RBFOX1: variants seen among roughly 807,000 people sequenced by gnomAD.
RBFOX1 encodes the protein RNA binding protein fox-1 homolog 1.
Under a neutral mutation model 57.7 loss-of-function variants are expected in RBFOX1, and 8 were observed. The ratio of observed to expected loss-of-function variants is 0.14; its 90% CI spans 0.08 to 0.25. The LOEUF (loss-of-function observed/expected upper bound fraction) is 0.25. Among genes scored for constraint, RBFOX1 ranks in the 10% least tolerant of loss-of-function variants. The pLI, the probability that RBFOX1 is intolerant of heterozygous loss-of-function variation, is 1.00. For missense variants in RBFOX1, 611 were observed against 548.5 expected (o/e 1.11, Z -1.14); for synonymous variants, 326 against 222.4 (o/e 1.47, Z -4.15).
At position 5,876,640 on chromosome 16, in the gene RBFOX1, A is replaced by G. The variant is rs562538890; in HGVS notation, c.351+9305A>G. ...ATTTTTTGAGTGTTCTGTGATCACA[A>G]AACCCATTCCCAGAACCATATATTA... On this transcript the variant is annotated intron_variant, in intron 4 of 19. Coordinates refer to the RBFOX1 transcript ENST00000641259. Among the ~76,000 whole-genome samples the G allele has an allele frequency of 1.5e-4, 23 of 152,316 alleles. No homozygotes were observed. The South Asian group carries it at 4.6e-3, about 30-fold the overall frequency.
intron 4 of RBFOX1, among the ~76,000 whole-genome samples, chr16:7,309,479 T>G (rs2096263839): frequency 6.6e-6 from 1 of 152,226 alleles, no homozygotes; most frequent in African/African-American, 2.4e-5. Context: ...TGAGGCAGTT[T>G]CTGTGTTATA....
At chr16:5,730,895 C>T (rs982424535) in intron 3 of RBFOX1, among the ~76,000 whole-genome samples, 3 of 152,146 alleles carry the variant, frequency 2.0e-5, no homozygotes, top group Admixed American at 1.3e-4. Flanking sequence ...TTGCCACTGT[C>T]ATCACCATCA....
intron 1 of RBFOX1, among the ~76,000 whole-genome samples, chr16:5,460,801 C>A (rs1302402135): frequency 6.6e-6 from 1 of 152,158 alleles, no homozygotes; most frequent in African/African-American, 2.4e-5. Context: ...TCGAGGAAGG[C>A]ACAAAGGAAA....
chr16:5,366,311 AGATGAT>A lies in RBFOX1; in HGVS notation c.220-100892_220-100887del, dbSNP rs372475537. ...GTCATGACGATTTTGATGATGATGA[AGATGAT>A]GATGATGATGATTTTGATGATGATG... On this transcript the variant is annotated intron_variant, in intron 1 of 2. Transcript: ENST00000585867. The A allele has an allele frequency of 1.4e-5, 5 of 360,092 alleles. No individual in the cohort carries two copies. In the Admixed American group the frequency reaches 1.5e-4, roughly 11 times the overall value. 22.3% of individuals were successfully genotyped at this position (360,092 alleles called of 1,614,324 possible). A position where few individuals can be genotyped will look rare whatever the true frequency, so the allele number is the denominator to read the frequency against.
At chr16:7,306,325 G>C (rs1291858002) in intron 4 of RBFOX1, among the ~76,000 whole-genome samples, 5 of 152,154 alleles carry the variant, frequency 3.3e-5, no homozygotes, top group African/African-American at 9.7e-5. Flanking sequence ...AAGGTTCTCA[G>C]CATCTTCCAG....
intron 3 of RBFOX1, among the ~76,000 whole-genome samples, chr16:6,965,920 T>C (rs1328482679): frequency 6.6e-6 from 1 of 152,158 alleles, no homozygotes; most frequent in Non-Finnish European, 1.5e-5. Context: ...GTAGCAGAGT[T>C]GGCATTTAGC....
At chr16:6,754,811 G>A (rs899281321) in intron 3 of RBFOX1, among the ~76,000 whole-genome samples, 3 of 151,982 alleles carry the variant, frequency 2.0e-5, no homozygotes, top group Non-Finnish European at 2.9e-5. Context: ...CCATTAACTC[G>A]TCATTTAGCA....
At chr16:6,487,820 T>C (rs1390581721) in intron 2 of RBFOX1, among the ~76,000 whole-genome samples, 2 of 149,262 alleles carry the variant, frequency 1.3e-5, no homozygotes, top group Admixed American at 6.7e-5. Context: ...TGTCTGGAAT[T>C]CTAGATTCAT....
chr16:7,310,221 G>T (rs1310370156), intron 4 of RBFOX1, among the ~76,000 whole-genome samples: 2 of 152,204 alleles, frequency 1.3e-5, no homozygotes, highest in South Asian at 2.1e-4. Flanking sequence ...GCTGGCCAGG[G>T]TTCTCTCTGA....
At chr16:5,603,550 A>G (rs1009415393), downstream of RBFOX1, among the ~76,000 whole-genome samples, 5 of 152,228 alleles carry the variant, frequency 3.3e-5, no homozygotes, top group Admixed American at 6.5e-5. Context: ...CAGGTAACAT[A>G]AAAATTACAC....
chr16:6,757,759 T>C (rs1303830984), intron 3 of RBFOX1, among the ~76,000 whole-genome samples: 2 of 152,086 alleles, frequency 1.3e-5, no homozygotes, highest in African/African-American at 4.8e-5. Flanking sequence ...TTAAAAACAA[T>C]TTATTGTACA....
intron 2 of RBFOX1, among the ~76,000 whole-genome samples, chr16:6,527,468 C>T (rs959347485): frequency 6.6e-6 from 1 of 152,050 alleles, no homozygotes; most frequent in African/African-American, 2.4e-5. Flanking sequence ...CTGTGAAACA[C>T]GTGGATAAAT....
At chr16:5,992,527 C>T (rs1275549519) in intron 4 of RBFOX1, among the ~76,000 whole-genome samples, 2 of 152,110 alleles carry the variant, frequency 1.3e-5, no homozygotes, top group Non-Finnish European at 2.9e-5. Context: ...ACCAAGCCTT[C>T]GTGTGCATGT....
chr16:6,657,775 G>A (rs1050505798), intron 3 of RBFOX1, among the ~76,000 whole-genome samples: 2 of 152,110 alleles, frequency 1.3e-5, no homozygotes, highest in Non-Finnish European at 2.9e-5. Flanking sequence ...GGATTTTTAC[G>A]ACTGTTGAGA....
intron 3 of RBFOX1, among the ~76,000 whole-genome samples, chr16:6,801,686 C>G (rs1305377909): frequency 6.6e-6 from 1 of 151,880 alleles, no homozygotes; most frequent in Non-Finnish European, 1.5e-5. Flanking sequence ...TGCTATTTCT[C>G]GTGGTCTAAT....
At chr16:7,594,671 A>G (rs910951716) in intron 7 of RBFOX1, among the ~76,000 whole-genome samples, 20 of 152,204 alleles carry the variant, frequency 1.3e-4, no homozygotes, top group African/African-American at 4.6e-4. Context: ...AGTGGCCAGA[A>G]TATTATTACA....
intron 3 of RBFOX1, among the ~76,000 whole-genome samples, chr16:7,047,126 A>G (rs543236453): frequency 6.7e-6 from 1 of 149,708 alleles, no homozygotes; most frequent in African/African-American, 2.5e-5. Context: ...ACATTTACTC[A>G]TATGTTTACC....
chr16:7,395,546 T>C (rs971751403), intron 4 of RBFOX1, among the ~76,000 whole-genome samples: 3 of 152,188 alleles, frequency 2.0e-5, no homozygotes, highest in Non-Finnish European at 2.9e-5. Flanking sequence ...GAAGCAGAGC[T>C]CATTAAGGGG....
At chr16:7,264,779 C>G (rs1567951422) in intron 4 of RBFOX1, among the ~76,000 whole-genome samples, 1 of 152,104 alleles carries the variant, frequency 6.6e-6, no homozygotes, top group Non-Finnish European at 1.5e-5. Flanking sequence ...GCACATTTGG[C>G]CCTTAGGCTG....
Sources: allele counts gnomAD v4.1 joint callset (sites outside exome capture counted in the v4.1 genomes callset), GRCh38; gene constraint gnomAD v4.1.1; transcripts MANE v1.5; gene names NCBI Gene and HGNC (gene_info 2026-07-23, HGNC 2026-07-21).